Variants in PODN observed in about 807,000 individuals in gnomAD.
PODN encodes the protein podocan proteoglycan.
PODN carries 40 observed loss-of-function variants against 52.7 expected under a neutral mutation model. The ratio of observed to expected loss-of-function variants is 0.76; its 90% CI spans 0.59 to 0.99. The LOEUF (loss-of-function observed/expected upper bound fraction) is 0.99. PODN is among the 50% of genes least tolerant of loss of function. PODN has a pLI of 0.00. For missense variants in PODN, 720 were observed against 815.1 expected (o/e 0.88, Z 1.42); for synonymous variants, 396 against 377.9 (o/e 1.05, Z -0.56).
chr1:53,079,009 T>A lies in PODN; in HGVS notation c.1499T>A (p.Leu500His). ...RALGPRAWVD[L>H]AHLQLLDIAG... ...CTGGGCCCCCGTGCCTGGGTGGACC[T>A]CGCCCATCTGCAGGTAAGCGGAAGG... The change falls in exon 8 of 11, where the codon CTC becomes CAC. Residue 500 changes from leucine to histidine, a missense_variant. Leu to His is a moderately conservative substitution (Grantham distance 99). Coordinates refer to ENST00000312553, the MANE Select transcript of PODN (RefSeq NM_153703.5). The A allele has an allele frequency of 6.4e-7, 1 of 1,553,160 alleles. No individual in the cohort carries two copies. Among genetic ancestry groups the A allele is most frequent in the Admixed American group, 1.8e-5 (1 of 54,466 alleles).
intron 2 of PODN, 83 bp from the exon 3 acceptor site, chr1:53,071,452 A>C (rs1644115291): frequency 1.7e-6 from 2 of 1,164,650 alleles, no homozygotes; most frequent in South Asian, 2.9e-5. Context: ...GGATTCTAGG[A>C]CTGGAGCTAT....
intron 4 of PODN, among the ~76,000 whole-genome samples, chr1:53,075,171 C>T (rs532480961): frequency 2.6e-5 from 4 of 152,246 alleles, no homozygotes; most frequent in Non-Finnish European, 5.9e-5. Flanking sequence ...CTCCCATCTG[C>T]ATCATGGCCA....
intron 10 of PODN, among the ~76,000 whole-genome samples, chr1:53,082,993 G>A (rs1218991822): frequency 6.6e-6 from 1 of 152,248 alleles, no homozygotes; most frequent in Non-Finnish European, 1.5e-5. Context: ...CTGTCTAGAA[G>A]TGGGGACTTG....
chr1:53,078,603 C>T lies in PODN; in HGVS notation c.1093C>T (p.His365Tyr). 1 of 1,613,050 alleles carries T rather than the reference C, an allele frequency of 6.2e-7. No homozygotes were observed. The change falls in exon 8 of 11, where the codon CAC (histidine) becomes TAC (tyrosine). Residue 365 changes from histidine (H) to tyrosine (Y), a missense_variant. His to Tyr is a moderately conservative substitution (Grantham distance 83). Transcript: ENST00000312553. ...FQGLKRLHTV[H>Y]LYNNALERVP... is the part of the protein sequence containing the mutation. ...GGGCCTCAAGCGGTTGCACACGGTG[C>T]ACCTGTACAACAACGCGCTGGAGCG...
chr1:53,070,261 C>T lies in PODN; in HGVS notation c.312+94C>T, dbSNP rs987200369. On this transcript the variant is annotated intron_variant, in intron 2 of 10. Coordinates refer to ENST00000312553, the MANE Select transcript of PODN (RefSeq NM_153703.5). ...CTGACACTCCAAGCAAACTGTTCACCCAGAACCTCCAATATGTGCGGCTCT... is the reference window on the plus strand; with the variant it reads ...CTGACACTCCAAGCAAACTGTTCACTCAGAACCTCCAATATGTGCGGCTCT... 8 of 1,552,842 alleles carry T rather than the reference C, an allele frequency of 5.2e-6. No individual in the cohort carries two copies. In the South Asian group the frequency reaches 9.2e-5, roughly 18 times the overall value.
intron 2 of PODN, chr1:53,071,292 C>T: frequency 2.2e-6 from 1 of 448,844 alleles, no homozygotes; most frequent in Non-Finnish European, 4.0e-6. Context: ...CCGTAGATGT[C>T]CATGTGTGGG....
At chr1:53,065,993 GTCT>G (rs1644026450) in intron 1 of PODN, among the ~76,000 whole-genome samples, 1 of 126,536 alleles carries the variant, frequency 7.9e-6, no homozygotes, top group Non-Finnish European at 1.5e-5. Flanking sequence ...TTTTCTAGAG[GTCT>G]TTTTTTTTTT....
At chr1:53,078,279 T>TC in intron 7 of PODN, 86 bp from the exon 8 acceptor site, 1 of 1,387,996 alleles carries the variant, frequency 7.2e-7, no homozygotes, top group Non-Finnish European at 9.9e-7. Context: ...TAGTGGCAAT[T>TC]CCCCAGCCAC....
At chr1:53,067,010 A>G in intron 1 of PODN, 1 of 770,466 alleles carries the variant, frequency 1.3e-6, no homozygotes, top group Non-Finnish European at 2.1e-6. Context: ...TCAGATGGGC[A>G]AGTGGCTAAT....
At position 53,085,189 on chromosome 1, in the gene PODN, C is replaced by T. The variant is rs61739433; in HGVS notation, c.*704C>T. ...GCTGGGCAGTCACTCTGCTAAGAGT[C>T]CCTCCCTGCCACGCCCTGGCAGGAC... On this transcript the variant is annotated 3_prime_UTR_variant, in exon 11 of 11. Transcript: ENST00000312553. 2.6e-5 allele frequency: 4 copies of T among 151,892 alleles called. No homozygotes were observed. The highest frequency in any genetic ancestry group is 1.3e-4 in the Admixed American group (2 of 15,270). The allele number at this position is 151,892 out of a possible 1,614,324, so 9.4% of individuals were successfully genotyped here.
intron 1 of PODN, among the ~76,000 whole-genome samples, chr1:53,065,203 G>A (rs968606941): frequency 6.6e-6 from 1 of 152,102 alleles, no homozygotes; most frequent in Non-Finnish European, 1.5e-5. Flanking sequence ...TAAAAAATTA[G>A]CCAGATGCCA....
chr1:53,074,817 G>A, intron 4 of PODN, 147 bp downstream of exon 4: 3 of 461,046 alleles, frequency 6.5e-6, no homozygotes, highest in Non-Finnish European at 8.5e-6. Flanking sequence ...TCGGGGGTGG[G>A]GGAGACACGG....
intron 1 of PODN, chr1:53,066,859 G>A (rs1275305754): frequency 4.5e-6 from 7 of 1,549,728 alleles, no homozygotes; most frequent in Non-Finnish European, 6.1e-6. Context: ...AGGCAGAACA[G>A]CCTGCCTGGT....
rs141809237 is a variant in PODN at position 53,077,190 on chromosome 1, G to T, written c.582G>T (p.Arg194Ser). 17 of 1,612,930 alleles carry T rather than the reference G, an allele frequency of 1.1e-5. No individual in the cohort carries two copies. The highest frequency in any genetic ancestry group is 1.4e-5 in the Non-Finnish European group (17 of 1,179,896). ...GLTFGQKPNL[R>S]SVYLHNNKLA... is the part of the protein sequence containing the mutation. Reference sequence around the variant, plus strand: ...TGAGGACCTGTGCCTTGACCCCCAGGTCTGTGTACCTGCACAACAACAAGC... The same window carrying T: ...TGAGGACCTGTGCCTTGACCCCCAGTTCTGTGTACCTGCACAACAACAAGC... Residue 194 changes from arginine (R) to serine (S), a missense_variant and splice_region_variant, in exon 6 of 11, where the codon AGG becomes AGT. Coordinates refer to ENST00000312553, the MANE Select transcript of PODN (RefSeq NM_153703.5).
At chr1:53,071,892 A>G (rs907136565) in intron 3 of PODN, among the ~76,000 whole-genome samples, 1 of 151,996 alleles carries the variant, frequency 6.6e-6, no homozygotes, top group African/African-American at 2.4e-5. Context: ...ATAACAATAC[A>G]TATACCATGT....
intron 3 of PODN, chr1:53,073,565 G>C (rs1035986980): frequency 6.6e-6 from 1 of 152,170 alleles, no homozygotes; most frequent in African/African-American, 2.4e-5. Flanking sequence ...GGTTCCGAGG[G>C]CCTTTAGAAC....
Position 53,080,842 on chromosome 1 carries a change from G to T in PODN, c.1627G>T (p.Asp543Tyr). ...TAGTGCGGTGCCCGCCAATGCCTTC[G>T]ACTCCACGCCCAACCTCAAGGGGAT... Reference protein sequence around the residue: ...KISAVPANAFDSTPNLKGIFL... With the variant: ...KISAVPANAFYSTPNLKGIFL... The change falls in exon 9 of 11, where the codon GAC becomes TAC. Residue 543 changes from aspartate (D) to tyrosine (Y), a missense_variant. Physicochemically the swap from Asp to Tyr is radical, Grantham distance 160 (BLOSUM62 -3). Coordinates refer to ENST00000312553, the MANE Select transcript of PODN (RefSeq NM_153703.5). 6.2e-7 allele frequency: 1 copy of T among 1,614,122 alleles called. No individual in the cohort carries two copies. The highest frequency in any genetic ancestry group is 1.1e-5 in the South Asian group (1 of 91,078).
intron 5 of PODN, among the ~76,000 whole-genome samples, chr1:53,076,413 ACTCT>A (rs1358461018): frequency 6.6e-6 from 1 of 151,456 alleles, no homozygotes; most frequent in African/African-American, 2.4e-5. Context: ...CATCTCAGTG[ACTCT>A]CTCCATCTGT....
chr1:53,080,724 G>A lies in PODN; in HGVS notation c.1513-4G>A, dbSNP rs188719088. The A allele has an allele frequency of 6.6e-5, 106 of 1,613,546 alleles. No individual in the cohort carries two copies. The highest frequency in any genetic ancestry group is 2.3e-4 in the Admixed American group (14 of 59,976). ...GTCCCTGACTCCCTTGGTCACCCCT[G>A]CAGCTGCTGGACATCGCCGGGAATC... On this transcript the variant is annotated splice_region_variant and splice_polypyrimidine_tract_variant and intron_variant, in intron 8 of 10. Coordinates refer to ENST00000312553, the MANE Select transcript of PODN (RefSeq NM_153703.5).
Sources: allele counts gnomAD v4.1 joint callset (sites outside exome capture counted in the v4.1 genomes callset), GRCh38; gene constraint gnomAD v4.1.1; transcripts MANE v1.5; gene names NCBI Gene and HGNC (gene_info 2026-07-23, HGNC 2026-07-21).